Variants in RBPJ observed in about 807,000 individuals in gnomAD.
The protein encoded by RBPJ is recombination signal binding protein for immunoglobulin kappa J region, also known as recombining binding protein suppressor of hairless.
RBPJ carries 9 observed loss-of-function variants against 67.8 expected under a neutral mutation model. The observed-to-expected ratio is 0.13, with a 90% CI of 0.08 to 0.23. The LOEUF (loss-of-function observed/expected upper bound fraction) is 0.23, where lower values mean the gene tolerates loss of function less well. Ranked by LOEUF, RBPJ falls within the 10% of genes least tolerant of loss-of-function variation. RBPJ has a pLI of 1.00. For missense variants in RBPJ, 305 were observed against 595.6 expected (o/e 0.51, Z 5.08); for synonymous variants, 198 against 203.3 (o/e 0.97, Z 0.22).
At chr4:26,273,302 T>G (rs1351664041) in intron 1 of RBPJ, among the ~76,000 whole-genome samples, 1 of 152,166 alleles carries the variant, frequency 6.6e-6, no homozygotes, top group Non-Finnish European at 1.5e-5. Context: ...CCCGAGAGCT[T>G]TAGGAGGAAA....
At chr4:26,154,368 T>C in the RBPJ span, among the ~76,000 whole-genome samples, 2 of 152,164 alleles carry the variant, frequency 1.3e-5, no homozygotes, top group African/African-American at 4.8e-5. Flanking sequence ...CTGACAAGTG[T>C]CTGTGCAGGG....
chr4:26,191,234 G>A (rs1321404478), intron 1 of RBPJ, among the ~76,000 whole-genome samples: 24 of 116,140 alleles, frequency 2.1e-4, no homozygotes, highest in African/African-American at 8.4e-4. Context: ...GAGAGAGAGA[G>A]AGAGAGATAG....
chr4:26,360,025 A>G (rs1386171062), intron 1 of RBPJ, among the ~76,000 whole-genome samples: 1 of 152,198 alleles, frequency 6.6e-6, no homozygotes, highest in Non-Finnish European at 1.5e-5. Flanking sequence ...ATTTATGTTA[A>G]TTTAATTTTT....
At chr4:26,406,727 A>C (rs1733457689) in intron 3 of RBPJ, among the ~76,000 whole-genome samples, 3 of 152,240 alleles carry the variant, frequency 2.0e-5, no homozygotes, top group Admixed American at 2.0e-4. Context: ...GTTAAGTGCA[A>C]GGGAGAACAA....
At chr4:26,184,208 A>C (rs59467892) in intron 1 of RBPJ, among the ~76,000 whole-genome samples, 2,604 of 151,692 alleles carry the variant, frequency 0.017, 93 homozygotes, top group African/African-American at 0.06. Flanking sequence ...AAAGAAAAAA[A>C]ATGTATCCAA....
intron 1 of RBPJ, among the ~76,000 whole-genome samples, chr4:26,370,583 T>G (rs1324292897): frequency 6.6e-6 from 1 of 152,170 alleles, no homozygotes; most frequent in African/African-American, 2.4e-5. Flanking sequence ...TACCACTTCT[T>G]TATAGAATCT....
At chr4:26,327,118 C>T (rs571695878) in intron 1 of RBPJ, among the ~76,000 whole-genome samples, 1 of 152,188 alleles carries the variant, frequency 6.6e-6, no homozygotes, top group South Asian at 2.1e-4. Context: ...TTCTGTATGC[C>T]TCTTAGGCCT....
intron 1 of RBPJ, among the ~76,000 whole-genome samples, chr4:26,308,269 C>A (rs1187303197): frequency 6.6e-6 from 1 of 151,028 alleles, no homozygotes; most frequent in Non-Finnish European, 1.5e-5. Flanking sequence ...GAGCAAGACT[C>A]CATCTCAAAA....
intron 1 of RBPJ, among the ~76,000 whole-genome samples, chr4:26,340,647 C>T (rs1336842914): frequency 6.6e-6 from 1 of 151,848 alleles, no homozygotes; most frequent in Admixed American, 6.6e-5. Context: ...ATAATGAGGT[C>T]AGAGGACTGA....
At chr4:26,426,896 C>A (rs1164541671) in intron 7 of RBPJ, among the ~76,000 whole-genome samples, 1 of 152,112 alleles carries the variant, frequency 6.6e-6, no homozygotes, top group Non-Finnish European at 1.5e-5. Context: ...CTAAGCAAGA[C>A]CTTGTAGGAT....
chr4:26,258,766 A>T (rs1720429665), intron 1 of RBPJ, among the ~76,000 whole-genome samples: 1 of 151,256 alleles, frequency 6.6e-6, no homozygotes. Flanking sequence ...ACTGAAAAAT[A>T]TCTGTGCCCT....
intron 1 of RBPJ, among the ~76,000 whole-genome samples, chr4:26,328,801 A>T (rs1045295438): frequency 7.2e-5 from 11 of 152,126 alleles, no homozygotes; most frequent in Admixed American, 1.3e-4. Context: ...GGTGTGCGCC[A>T]GCAACCCCAG....
the RBPJ span, among the ~76,000 whole-genome samples, chr4:26,142,824 C>G: frequency 1.4e-4 from 22 of 152,268 alleles, no homozygotes; most frequent in East Asian, 4.2e-3. Flanking sequence ...TTCTGTTGCC[C>G]AAGCTGGAGT....
chr4:26,215,402 G>GT lies in RBPJ; in HGVS notation c.-167+51788_-167+51789insT, dbSNP rs779927576. 2.7e-3 allele frequency among the ~76,000 whole-genome samples: 290 copies of GT among 108,618 alleles called. 6 individuals are homozygous for GT. The highest frequency in any genetic ancestry group is 0.011 in the African/African-American group (270 of 24,566). 71.3% of individuals were successfully genotyped at this position (108,618 alleles called of 152,430 possible). Reference sequence around the variant, plus strand: ...GGGAGGGAGGGAGAGAGGAAGGAAGGGGGGGGAAGGAAGGAAGGGAGGGAG... The same window carrying GT: ...GGGAGGGAGGGAGAGAGGAAGGAAGGTGGGGGGAAGGAAGGAAGGGAGGGAG... On this transcript the variant is annotated intron_variant, in intron 1 of 4. Coordinates refer to the RBPJ transcript ENST00000512351.
intron 1 of RBPJ, among the ~76,000 whole-genome samples, chr4:26,366,106 A>G (rs531177980): frequency 3.8e-4 from 58 of 152,352 alleles, no homozygotes; most frequent in African/African-American, 1.3e-3. Flanking sequence ...ATACCTTTCT[A>G]AAACTTCTGT....
intron 1 of RBPJ, among the ~76,000 whole-genome samples, chr4:26,214,279 AGGAGGAAGGAAAGGAAGGAAGCAAG>A (rs1718538824): frequency 4.9e-5 from 7 of 144,044 alleles, no homozygotes; most frequent in Admixed American, 1.4e-4. Flanking sequence ...AGAAAGAGAA[AGGAGGAAGGAAAGGAAGGAAGCAAG>A]GAGACAGAGA....
intron 1 of RBPJ, among the ~76,000 whole-genome samples, chr4:26,365,569 AGTTTT>A (rs973035674): frequency 2.0e-5 from 3 of 152,362 alleles, no homozygotes; most frequent in African/African-American, 7.2e-5. Flanking sequence ...ACTTCTGTTT[AGTTTT>A]ATCAAAAGAT....
chr4:26,136,111 G>A, the RBPJ span, among the ~76,000 whole-genome samples: 2 of 152,088 alleles, frequency 1.3e-5, no homozygotes, highest in Non-Finnish European at 2.9e-5. Flanking sequence ...AGACTTATTC[G>A]CTACCACAAG....
chr4:26,334,111 G>T (rs1224910197), intron 1 of RBPJ, among the ~76,000 whole-genome samples: 1 of 151,604 alleles, frequency 6.6e-6, no homozygotes, highest in Non-Finnish European at 1.5e-5. Flanking sequence ...TGCTATCCTG[G>T]CTCACTGCAA....
Sources: gnomAD v4.1 joint callset for allele counts (sites outside exome capture counted in the v4.1 genomes callset) on GRCh38, gnomAD v4.1.1 for gene constraint, MANE v1.5 for transcripts, NCBI Gene and HGNC (gene_info 2026-07-23, HGNC 2026-07-21) for gene names.